SHISA8: variants seen among roughly 807,000 people sequenced by gnomAD.
The protein encoded by SHISA8 is shisa family member 8.
Under a neutral mutation model 21.1 loss-of-function variants are expected in SHISA8, and 21 were observed. That is an observed-to-expected ratio of 0.99 (90% confidence interval 0.71 to 1.43). SHISA8 has a LOEUF of 1.43. Among genes scored for constraint, SHISA8 ranks in the 40% most tolerant of loss-of-function variants. SHISA8 has a pLI of 0.00. For missense variants in SHISA8, 535 were observed against 599.1 expected (o/e 0.89, Z 1.12); for synonymous variants, 300 against 291.4 (o/e 1.03, Z -0.30).
rs901864930 is a variant in SHISA8, at chr22:41,910,005, G to A, written c.954C>T (p.Pro318=). ...CGGCATAGGGGCCCGGCGCGGCAGG[G>A]GGCGCGTAGACCGGCGGGGCCCAGG... ...ACPWAPPVYA[P]PAAPGPYAAW... is the part of the protein sequence containing the mutation. The change falls in exon 4 of 4, where the codon CCC becomes CCT. Residue 318 remains proline, a synonymous_variant. Transcript: ENST00000621082. The surrounding 1 kb of genome is among the most constrained non-coding windows in gnomAD (Gnocchi z 6.8). The A allele has an allele frequency of 5.0e-5, 65 of 1,293,104 alleles. No homozygotes were observed. The African/African-American group carries it at 9.1e-4, about 18-fold the overall frequency. The allele number at this position is 1,293,104 out of a possible 1,614,324, so 80.1% of individuals were successfully genotyped here. A position where few individuals can be genotyped will look rare whatever the true frequency, so the allele number is the denominator to read the frequency against.
Position 41,909,883 on chromosome 22 carries a change from C to T in SHISA8, c.1076G>A (p.Arg359His), listed in dbSNP as rs1421813756. 2 of 1,528,960 alleles carry T rather than the reference C, an allele frequency of 1.3e-6. No homozygotes were observed. The highest frequency in any genetic ancestry group is 2.8e-5 in the African/African-American group (2 of 72,510). The allele number at this position is 1,528,960 out of a possible 1,614,324, so 94.7% of individuals were successfully genotyped here. The part of the protein sequence containing the change: ...VPRRPGHAAR[R>H]QFSVKMPETF... ...CTCAGGCATCTTCACACTGAACTGG[C>T]GCCGGGCCGCGTGCCCGGGTCGCCG... Residue 359 changes from arginine (R) to histidine (H), a missense_variant, in exon 4 of 4, where the codon CGC (arginine) becomes CAC (histidine). Physicochemically the swap from Arg to His is conservative, Grantham distance 29 (BLOSUM62 0). Transcript: ENST00000621082.
Position 41,914,195 on chromosome 22 carries a change from C to G in SHISA8, c.473G>C (p.Gly158Ala), listed in dbSNP as rs956911340. Residue 158 changes from glycine to alanine, a missense_variant, in exon 1 of 4, where the codon GGG becomes GCG. Physicochemically the swap from Gly to Ala is moderately conservative, Grantham distance 60 (BLOSUM62 0). Coordinates refer to ENST00000621082, the MANE Select transcript of SHISA8 (RefSeq NM_001207020.3). The surrounding 1 kb of genome is among the most constrained non-coding windows in gnomAD (Gnocchi z 6.8). ...VAALLVLAGI[G>A]ARLGLERAHS... ...CGCCCTCTCCAGTCCCAGGCGCGCCCCGATGCCGGCCAGCACCAGCAGCGC... is the reference window on the plus strand; with the variant it reads ...CGCCCTCTCCAGTCCCAGGCGCGCCGCGATGCCGGCCAGCACCAGCAGCGC... The G allele has an allele frequency of 4.8e-6, 7 of 1,466,246 alleles. No individual in the cohort carries two copies. Among genetic ancestry groups the G allele is most frequent in the Non-Finnish European group, 6.3e-6 (7 of 1,118,000 alleles). The allele number at this position is 1,466,246 out of a possible 1,614,324, so 90.8% of individuals were successfully genotyped here.
At chr22:41,911,092 C>G (rs1374233511) in intron 2 of SHISA8, 124 bp downstream of exon 2, 6 of 1,191,520 alleles carry the variant, frequency 5.0e-6, no homozygotes, top group Non-Finnish European at 6.3e-6. Context: ...GCCCCTCACC[C>G]GCAGAGGCCG....
intron 1 of SHISA8, among the ~76,000 whole-genome samples, chr22:41,912,417 T>A (rs1602364419): frequency 6.6e-6 from 1 of 152,106 alleles, no homozygotes; most frequent in Non-Finnish European, 1.5e-5. Context: ...GGTGGCAGGG[T>A]CTGAAACCAT....
chr22:41,914,737 T>C lies in SHISA8; in HGVS notation c.-70A>G. 1 of 975,678 alleles carries C rather than the reference T, an allele frequency of 1.0e-6. No individual in the cohort carries two copies. The highest frequency in any genetic ancestry group is 1.2e-6 in the Non-Finnish European group (1 of 817,476). 60.4% of individuals were successfully genotyped at this position (975,678 alleles called of 1,614,324 possible). On this transcript the variant is annotated 5_prime_UTR_variant, in exon 1 of 4. Transcript: ENST00000621082. The surrounding 1 kb of genome is among the most constrained non-coding windows in gnomAD (Gnocchi z 6.8). ...CCGCGGCTCCCTCCGGCTCGGCTCC[T>C]CCGCTCCCGCAGGGATCGCGCTGGC...
chr22:41,914,352 A>G lies in SHISA8; in HGVS notation c.316T>C (p.Cys106Arg). Residue 106 changes from cysteine (C) to arginine (R), a missense_variant, in exon 1 of 4, where the codon TGT becomes CGT. Cys to Arg is a radical substitution (Grantham distance 180, BLOSUM62 -3). Transcript: ENST00000621082. This position sits in a 1 kb window ranked among gnomAD's most constrained non-coding sequence, Gnocchi z 6.8. ...DGPRRLDQSR[C>R]SNYDTPAWVQ... ...CAGGCCGGCGTGTCGTAGTTGGAAC[A>G]GCGGCTCTGGTCGAGGCGCCGCGGC... The G allele has an allele frequency of 7.9e-7, 1 of 1,266,286 alleles. No homozygotes were observed. Among genetic ancestry groups the G allele is most frequent in the Non-Finnish European group, 9.9e-7 (1 of 1,005,826 alleles). The allele number at this position is 1,266,286 out of a possible 1,614,324, so 78.4% of individuals were successfully genotyped here. A position where few individuals can be genotyped will look rare whatever the true frequency, so the allele number is the denominator to read the frequency against.
chr22:41,910,777 G>A lies in SHISA8; in HGVS notation c.665-223C>T, dbSNP rs1466975051. 6.6e-6 allele frequency among the ~76,000 whole-genome samples: 1 copy of A among 152,138 alleles called. No individual in the cohort carries two copies. Among genetic ancestry groups the A allele is most frequent in the East Asian group, 1.9e-4 (1 of 5,172 alleles). On this transcript the variant is annotated intron_variant, in intron 2 of 3. Transcript: ENST00000621082. This position sits in a 1 kb window ranked among gnomAD's most constrained non-coding sequence, Gnocchi z 6.8. ...GCGGCGGCGGCAGCCAGCCCGGGGG[G>A]TGCCACCCTCATGAACGGCTCGCCC...
Position 41,914,196 on chromosome 22 carries a change from C to A in SHISA8, c.472G>T (p.Gly158Trp). 2.0e-6 allele frequency: 3 copies of A among 1,465,682 alleles called. No individual in the cohort carries two copies. The highest frequency in any genetic ancestry group is 2.7e-6 in the Non-Finnish European group (3 of 1,117,546). 90.8% of individuals were successfully genotyped at this position (1,465,682 alleles called of 1,614,324 possible). The change falls in exon 1 of 4, where the codon GGG becomes TGG. Residue 158 changes from glycine to tryptophan, a missense_variant. Coordinates refer to ENST00000621082, the MANE Select transcript of SHISA8 (RefSeq NM_001207020.3). The surrounding 1 kb of genome is among the most constrained non-coding windows in gnomAD (Gnocchi z 6.8). Reference protein sequence around the residue: ...VAALLVLAGIGARLGLERAHS... With the variant: ...VAALLVLAGIWARLGLERAHS... Reference sequence around the variant, plus strand: ...GCCCTCTCCAGTCCCAGGCGCGCCCCGATGCCGGCCAGCACCAGCAGCGCT... The same window carrying A: ...GCCCTCTCCAGTCCCAGGCGCGCCCAGATGCCGGCCAGCACCAGCAGCGCT...
Position 41,910,501 on chromosome 22 carries a change from G to A in SHISA8, c.718C>T (p.Arg240Cys), listed in dbSNP as rs1207050168. ...PRGSAAPGPP[R>C]GPRLQGGGSL... ...CCGCCGCCCTGCAGCCGCGGGCCGC[G>A]CGGGGGCCCCGGGGCGGCCGACCCC... is the stretch of plus-strand genomic sequence containing the variant. The change falls in exon 3 of 4, where the codon CGC becomes TGC. Residue 240 changes from arginine (R) to cysteine (C), a missense_variant. Coordinates refer to ENST00000621082, the MANE Select transcript of SHISA8 (RefSeq NM_001207020.3). The surrounding 1 kb of genome is among the most constrained non-coding windows in gnomAD (Gnocchi z 6.8). 7.9e-7 allele frequency: 1 copy of A among 1,258,956 alleles called. No individual in the cohort carries two copies. The highest frequency in any genetic ancestry group is 9.9e-7 in the Non-Finnish European group (1 of 1,009,042). The allele number at this position is 1,258,956 out of a possible 1,614,324, so 78.0% of individuals were successfully genotyped here.
Position 41,910,258 on chromosome 22 carries a change from G to T in SHISA8, c.812-111C>A. On this transcript the variant is annotated intron_variant, in intron 3 of 3. Transcript: ENST00000621082. The surrounding 1 kb of genome is among the most constrained non-coding windows in gnomAD (Gnocchi z 6.8). ...CGGGGACCGGGCCGGGGCGGGCCGG[G>T]GGCGGGGCCCGCTGGGGCGAGGGAG... The T allele has an allele frequency of 8.2e-7, 1 of 1,225,914 alleles. No individual in the cohort carries two copies. Among genetic ancestry groups the T allele is most frequent in the South Asian group, 3.7e-5 (1 of 27,016 alleles). 75.9% of individuals were successfully genotyped at this position (1,225,914 alleles called of 1,614,324 possible).
rs1602362824 is a variant in SHISA8 at position 41,910,740 on chromosome 22, G to A, written c.665-186C>T. On this transcript the variant is annotated intron_variant, in intron 2 of 3. Transcript: ENST00000621082. The surrounding 1 kb of genome is among the most constrained non-coding windows in gnomAD (Gnocchi z 6.8). ...AGCGCCTGGAACAGGGCCTGGCTCC[G>A]AGTCACGCGCAGCGGCGGCGGCAGC... 6.6e-6 allele frequency among the ~76,000 whole-genome samples: 1 copy of A among 152,156 alleles called. No homozygotes were observed. The highest frequency in any genetic ancestry group is 6.5e-5 in the Admixed American group (1 of 15,284).
In SHISA8 at chr22:41,914,668, C is replaced by A. The variant is rs1247819466; in HGVS notation, c.-1G>T. On this transcript the variant is annotated 5_prime_UTR_variant, in exon 1 of 4. Coordinates refer to ENST00000621082, the MANE Select transcript of SHISA8 (RefSeq NM_001207020.3). The surrounding 1 kb of genome is among the most constrained non-coding windows in gnomAD (Gnocchi z 6.8). Reference sequence around the variant, plus strand: ...GTCCCCGCGCCCCGGCCCGCGCCATCGGGCCCGCGCCTCCCGCTACTGCGC... The same window carrying A: ...GTCCCCGCGCCCCGGCCCGCGCCATAGGGCCCGCGCCTCCCGCTACTGCGC... 9.8e-7 allele frequency: 1 copy of A among 1,016,224 alleles called. No homozygotes were observed. Among genetic ancestry groups the A allele is most frequent in the South Asian group, 4.6e-5 (1 of 21,908 alleles). The allele number at this position is 1,016,224 out of a possible 1,614,324, so 63.0% of individuals were successfully genotyped here.
chr22:41,909,559 TG>T lies in SHISA8; in HGVS notation c.*205del. On this transcript the variant is annotated 3_prime_UTR_variant, in exon 4 of 4. Transcript: ENST00000621082. ...GACCAATGGTGCCTCGCAGCCACGC[TG>T]GGGCTTCTTTATTCTCAGGGGCAGG... 2 of 592,834 alleles carry T rather than the reference TG, an allele frequency of 3.4e-6. No individual in the cohort carries two copies. The highest frequency in any genetic ancestry group is 5.0e-6 in the Non-Finnish European group (2 of 396,150). The allele number at this position is 592,834 out of a possible 1,614,324, so 36.7% of individuals were successfully genotyped here.
intron 2 of SHISA8, 106 bp downstream of exon 2, chr22:41,911,110 T>C: frequency 3.3e-6 from 4 of 1,219,732 alleles, no homozygotes; most frequent in Non-Finnish European, 3.1e-6. Context: ...CCGCGGCTCA[T>C]TTCCACCGGG....
Position 41,910,340 on chromosome 22 carries a change from C to T in SHISA8, c.811+68G>A. The T allele has an allele frequency of 3.2e-6, 4 of 1,259,354 alleles. No individual in the cohort carries two copies. The highest frequency in any genetic ancestry group is 2.0e-6 in the Non-Finnish European group (2 of 1,001,528). 78.0% of individuals were successfully genotyped at this position (1,259,354 alleles called of 1,614,324 possible). A position where few individuals can be genotyped will look rare whatever the true frequency, so the allele number is the denominator to read the frequency against. On this transcript the variant is annotated intron_variant, in intron 3 of 3. Coordinates refer to ENST00000621082, the MANE Select transcript of SHISA8 (RefSeq NM_001207020.3). This position sits in a 1 kb window ranked among gnomAD's most constrained non-coding sequence, Gnocchi z 6.8. The stretch of plus-strand genomic sequence containing the variant: ...GGGAATTTGGCGCTTGGAGCTGCGG[C>T]CCCGCGCTTCGCAGTCCGGGAGCTC...
In SHISA8 at chr22:41,914,318, G is replaced by T; in HGVS notation, c.350C>A (p.Thr117Lys). Reference protein sequence around the residue: ...SNYDTPAWVQTGRPPARARDT... With the variant: ...SNYDTPAWVQKGRPPARARDT... ...GCGGGCGCGGGCGGGCGGCCGGCCT[G>T]TCTGGACCCAGGCCGGCGTGTCGTA... The change falls in exon 1 of 4, where the codon ACA becomes AAA. Residue 117 changes from threonine to lysine, a missense_variant. Physicochemically the swap from Thr to Lys is moderately conservative, Grantham distance 78. Transcript: ENST00000621082. This position sits in a 1 kb window ranked among gnomAD's most constrained non-coding sequence, Gnocchi z 6.8. 8.0e-7 allele frequency: 1 copy of T among 1,252,672 alleles called. No homozygotes were observed. The highest frequency in any genetic ancestry group is 1.0e-6 in the Non-Finnish European group (1 of 1,001,234). 77.6% of individuals were successfully genotyped at this position (1,252,672 alleles called of 1,614,324 possible).
In SHISA8 at chr22:41,910,062, G is replaced by T. The variant is rs1737471346; in HGVS notation, c.897C>A (p.Ser299=). ...RQPPARAPRP[S]PDLPAPLDAC... is the part of the protein sequence containing the mutation. ...CGTCCAGCGGCGCAGGCAAGTCCGG[G>T]GATGGTCGCGGAGCCCGCGCCGGGG... is the stretch of plus-strand genomic sequence containing the variant. Residue 299 remains serine (S), a synonymous_variant, in exon 4 of 4, where the codon TCC becomes TCA. Coordinates refer to ENST00000621082, the MANE Select transcript of SHISA8 (RefSeq NM_001207020.3). This position sits in a 1 kb window ranked among gnomAD's most constrained non-coding sequence, Gnocchi z 6.8. 6.4e-6 allele frequency: 8 copies of T among 1,243,584 alleles called. No homozygotes were observed. In the South Asian group the frequency reaches 3.0e-4, roughly 47 times the overall value. 77.0% of individuals were successfully genotyped at this position (1,243,584 alleles called of 1,614,324 possible). A position where few individuals can be genotyped will look rare whatever the true frequency, so the allele number is the denominator to read the frequency against.
In SHISA8 at chr22:41,914,505, C is replaced by T; in HGVS notation, c.163G>A (p.Glu55Lys). ...TAGCCGCGGCAGCGGTCGCCCCCCTCCGGGGCTGTCGTGCCGGGCGCCGCG... is the reference window on the plus strand; with the variant it reads ...TAGCCGCGGCAGCGGTCGCCCCCCTTCGGGGCTGTCGTGCCGGGCGCCGCG... ...GPAAPGTTAPEGGDRCRGYYD... is the reference protein window; with the variant it reads ...GPAAPGTTAPKGGDRCRGYYD... The change falls in exon 1 of 4, where the codon GAG (glutamate) becomes AAG (lysine). Residue 55 changes from glutamate to lysine, a missense_variant. Glu to Lys is a moderately conservative substitution (Grantham distance 56). Transcript: ENST00000621082. This position sits in a 1 kb window ranked among gnomAD's most constrained non-coding sequence, Gnocchi z 6.8. 7.9e-7 allele frequency: 1 copy of T among 1,258,298 alleles called. No individual in the cohort carries two copies. Among genetic ancestry groups the T allele is most frequent in the Non-Finnish European group, 1.0e-6 (1 of 1,001,180 alleles). The allele number at this position is 1,258,298 out of a possible 1,614,324, so 77.9% of individuals were successfully genotyped here.
chr22:41,914,658 C>G lies in SHISA8; in HGVS notation c.10G>C (p.Ala4Pro), dbSNP rs892909374. MARAGARGLLGGRR... is the reference protein window; with the variant it reads MARPGARGLLGGRR... ...CCGCCGAGCAGTCCCCGCGCCCCGG[C>G]CCGCGCCATCGGGCCCGCGCCTCCC... Residue 4 changes from alanine to proline, a missense_variant, in exon 1 of 4, where the codon GCC (alanine) becomes CCC (proline). Physicochemically the swap from Ala to Pro is conservative, Grantham distance 27. Transcript: ENST00000621082. The surrounding 1 kb of genome is among the most constrained non-coding windows in gnomAD (Gnocchi z 6.8). 1.3e-3 allele frequency: 1,326 copies of G among 1,019,084 alleles called. No individual in the cohort carries two copies. Among genetic ancestry groups the G allele is most frequent in the Non-Finnish European group, 1.5e-3 (1,287 of 853,910 alleles). The allele number at this position is 1,019,084 out of a possible 1,614,324, so 63.1% of individuals were successfully genotyped here. A position where few individuals can be genotyped will look rare whatever the true frequency, so the allele number is the denominator to read the frequency against.
Sources: allele counts gnomAD v4.1 joint callset (sites outside exome capture counted in the v4.1 genomes callset), GRCh38; gene constraint gnomAD v4.1.1; non-coding constraint Gnocchi (gnomAD v3.1); transcripts MANE v1.5; gene names NCBI Gene and HGNC (gene_info 2026-07-23, HGNC 2026-07-21).